The following ZNF282 variants were observed in gnomAD, a reference collection of about 807,000 sequenced individuals.
ZNF282 encodes zinc finger protein 282, also known as HTLV-I U5 repressive element-binding protein 1.
In ZNF282, 30 loss-of-function variants were observed where a neutral mutation model predicts 61.9. That is an observed-to-expected ratio of 0.48 (90% CI 0.36 to 0.66). The LOEUF is 0.66. Ranked by LOEUF, ZNF282 falls within the 30% of genes least tolerant of loss-of-function variation. The probability of loss-of-function intolerance (pLI) is 0.00; values close to 1 mark genes in which losing one functional copy is unlikely to be tolerated. For missense variants in ZNF282, 788 were observed against 941.4 expected (o/e 0.84, Z 2.13); for synonymous variants, 396 against 405.0 (o/e 0.98, Z 0.27).
At chr7:149,200,005 A>AT (rs974809640) in intron 2 of ZNF282, among the ~76,000 whole-genome samples, 11 of 152,226 alleles carry the variant, frequency 7.2e-5, no homozygotes, top group African/African-American at 4.8e-5. Context: ...TTTTAAAAAC[A>AT]TTTTTTTAGT....
rs1408647023 is a variant in ZNF282 at position 149,207,421 on chromosome 7, G to T, written c.783G>T (p.Trp261Cys). ...QAEPREEPCV[W>C]EQRHPEEREI... is the part of the protein sequence containing the mutation. ...AGCCCAGGGAAGAACCTTGTGTGTG[G>T]GAGCAGCGCCACCCCGAAGAGAGAG... Residue 261 changes from tryptophan (W) to cysteine (C), a missense_variant, in exon 4 of 8, where the codon TGG becomes TGT. Trp to Cys is a radical substitution (Grantham distance 215). Coordinates refer to ENST00000610704, the MANE Select transcript of ZNF282 (RefSeq NM_003575.4). 6.4e-7 allele frequency: 1 copy of T among 1,571,162 alleles called. No individual in the cohort carries two copies. The highest frequency in any genetic ancestry group is 1.2e-5 in the South Asian group (1 of 85,834).
rs1224636384 is a variant in ZNF282, at chr7:149,208,635, CA to C, written c.832+1166del. Reference sequence around the variant, plus strand: ...TTGAGATGTGATTTACAGACCATAACATTTACTGTTTTAAAGAATGCAATTC... The same window carrying C: ...TTGAGATGTGATTTACAGACCATAACTTTACTGTTTTAAAGAATGCAATTC... On this transcript the variant is annotated intron_variant, in intron 4 of 7. Transcript: ENST00000610704. 2.0e-5 allele frequency among the ~76,000 whole-genome samples: 3 copies of C among 152,282 alleles called. No homozygotes were observed. The East Asian group carries it at 5.8e-4, about 29-fold the overall frequency.
At chr7:149,208,193 G>GT (rs896528849) in intron 4 of ZNF282, among the ~76,000 whole-genome samples, 1 of 151,962 alleles carries the variant, frequency 6.6e-6, no homozygotes, top group South Asian at 2.1e-4. Flanking sequence ...TTGTTTTTTT[G>GT]TTTTTTGTTT....
chr7:149,213,520 C>T (rs1796117094), intron 6 of ZNF282, among the ~76,000 whole-genome samples, 181 bp from the exon 7 acceptor site: 1 of 152,068 alleles, frequency 6.6e-6, no homozygotes, highest in Admixed American at 6.6e-5. Context: ...ATGCATCGAG[C>T]AGTGAGAGTC....
Position 149,224,342 on chromosome 7 carries a change from G to C in ZNF282, c.1711G>C (p.Glu571Gln). Residue 571 changes from glutamate (E) to glutamine (Q), a missense_variant, in exon 8 of 8, where the codon GAG becomes CAG. Coordinates refer to ENST00000610704, the MANE Select transcript of ZNF282 (RefSeq NM_003575.4). Reference sequence around the variant, plus strand: ...CCGCCACCAGATGACGCACCGCGGCGAGCGGCCCTACAAGTGCTCGGAGTG... The same window carrying C: ...CCGCCACCAGATGACGCACCGCGGCCAGCGGCCCTACAAGTGCTCGGAGTG... ...LIRHQMTHRG[E>Q]RPYKCSECEK... 10 of 1,613,816 alleles carry C rather than the reference G, an allele frequency of 6.2e-6. No homozygotes were observed. Among genetic ancestry groups the C allele is most frequent in the South Asian group, 1.1e-5 (1 of 91,072 alleles).
chr7:149,207,638 T>C (rs535638850), intron 4 of ZNF282, among the ~76,000 whole-genome samples, 168 bp downstream of exon 4: 30 of 152,282 alleles, frequency 2.0e-4, no homozygotes, highest in African/African-American at 7.2e-4. Flanking sequence ...TGGTCACTTA[T>C]AGGAAGAGAT....
intron 4 of ZNF282, 85 bp downstream of exon 4, chr7:149,207,555 C>T: frequency 6.6e-7 from 1 of 1,523,698 alleles, no homozygotes; most frequent in Non-Finnish European, 8.8e-7. Flanking sequence ...CGCGAGGCGC[C>T]ACTGTGTGTG....
intron 2 of ZNF282, among the ~76,000 whole-genome samples, chr7:149,204,065 T>G (rs1220480739): frequency 2.0e-5 from 3 of 152,134 alleles, no homozygotes; most frequent in African/African-American, 7.2e-5. Context: ...GCAGCAGTTA[T>G]CTGAAGGTTT....
At chr7:149,215,855 G>C (rs979376032) in intron 7 of ZNF282, among the ~76,000 whole-genome samples, 1 of 152,204 alleles carries the variant, frequency 6.6e-6, no homozygotes, top group Non-Finnish European at 1.5e-5. Context: ...ATAGGAACTA[G>C]TGCATCTGAC....
intron 7 of ZNF282, among the ~76,000 whole-genome samples, chr7:149,223,106 C>T (rs1795412119): frequency 6.6e-6 from 1 of 152,118 alleles, no homozygotes; most frequent in African/African-American, 2.4e-5. Context: ...TCCTGAGTAG[C>T]TGGGATTACA....
chr7:149,196,331 G>A (rs1011706784), intron 1 of ZNF282, among the ~76,000 whole-genome samples: 1 of 152,176 alleles, frequency 6.6e-6, no homozygotes, highest in African/African-American at 2.4e-5. Context: ...AAACTTGGCC[G>A]CATGTTGGAA....
At chr7:149,202,231 G>T (rs2129523129) in intron 2 of ZNF282, among the ~76,000 whole-genome samples, 1 of 140,092 alleles carries the variant, frequency 7.1e-6, no homozygotes, top group Non-Finnish European at 1.5e-5. Context: ...TGCAACTTCT[G>T]CCTCCCAGGT....
rs932016967 is a variant in ZNF282, at chr7:149,206,461, G to T, written c.586-235G>T. On this transcript the variant is annotated intron_variant, in intron 2 of 7. Transcript: ENST00000610704. The stretch of plus-strand genomic sequence containing the variant: ...TTGACCTAAAAGTGAAATAACAATG[G>T]ATGTGGCTAAATGCTTTTTCTAAAA... Among the ~76,000 whole-genome samples, 50 of 152,164 alleles carry T rather than the reference G, an allele frequency of 3.3e-4. 2 individuals carry two copies. The highest frequency in any genetic ancestry group is 1.0e-4 in the Non-Finnish European group (7 of 68,042).
chr7:149,210,734 G>A, intron 5 of ZNF282, 30 bp downstream of exon 5: 1 of 1,456,846 alleles, frequency 6.9e-7, no homozygotes. Context: ...GTCCACACCA[G>A]GGAGGGGAGG....
At chr7:149,212,261 G>T (rs1052065581) in intron 5 of ZNF282, 97 bp from the exon 6 acceptor site, 3 of 777,804 alleles carry the variant, frequency 3.9e-6, no homozygotes, top group Non-Finnish European at 4.1e-6. Flanking sequence ...TTAGGGGAAA[G>T]AGATAATTGC....
chr7:149,220,156 C>T (rs1361898648), intron 7 of ZNF282, among the ~76,000 whole-genome samples: 2 of 152,160 alleles, frequency 1.3e-5, no homozygotes, highest in Non-Finnish European at 2.9e-5. Context: ...CGCCTGTAAT[C>T]CCAGCACTTT....
At chr7:149,217,135 C>T (rs544705615) in intron 7 of ZNF282, among the ~76,000 whole-genome samples, 22 of 152,358 alleles carry the variant, frequency 1.4e-4, no homozygotes, top group Admixed American at 1.2e-3. Flanking sequence ...ACATTATTCA[C>T]TACATTGGGT....
intron 7 of ZNF282, among the ~76,000 whole-genome samples, chr7:149,222,688 G>A (rs71532766): frequency 0.038 from 5,738 of 151,836 alleles, 155 homozygotes; most frequent in Admixed American, 0.059. Flanking sequence ...TCGCTCTGTC[G>A]CCAGGCTGGA....
Position 149,224,234 on chromosome 7 carries a change from A to G in ZNF282, c.1603A>G (p.Ile535Val), listed in dbSNP as rs750928133. ...KSFGVRKSLI[I>V]HHRSHTKERP... Reference sequence around the variant, plus strand: ...CTTCGGCGTGCGCAAGAGCCTCATCATCCACCACCGCAGCCACACCAAGGA... The same window carrying G: ...CTTCGGCGTGCGCAAGAGCCTCATCGTCCACCACCGCAGCCACACCAAGGA... The change falls in exon 8 of 8, where the codon ATC (isoleucine) becomes GTC (valine). Residue 535 changes from isoleucine (I) to valine (V), a missense_variant. Ile to Val is a conservative substitution (Grantham distance 29). Coordinates refer to ENST00000610704, the MANE Select transcript of ZNF282 (RefSeq NM_003575.4). The G allele has an allele frequency of 6.8e-6, 11 of 1,610,726 alleles. No individual in the cohort carries two copies. The Admixed American group carries it at 8.3e-5, about 12-fold the overall frequency.
Sources: allele counts gnomAD v4.1 joint callset (sites outside exome capture counted in the v4.1 genomes callset), GRCh38; gene constraint gnomAD v4.1.1; transcripts MANE v1.5; gene names NCBI Gene and HGNC (gene_info 2026-07-23, HGNC 2026-07-21).